CELF2: variants seen among roughly 807,000 people sequenced by gnomAD.
CELF2 encodes the protein CUG triplet repeat RNA-binding protein 2.
In CELF2, 8 loss-of-function variants were observed where a neutral mutation model predicts 62.6. The ratio of observed to expected loss-of-function variants is 0.13; its 90% confidence interval spans 0.07 to 0.23. CELF2 has a LOEUF of 0.23. CELF2 is among the 10% of genes least tolerant of loss of function. The probability of loss-of-function intolerance (pLI) is 1.00; values close to 1 mark genes in which losing one functional copy is unlikely to be tolerated. For synonymous variants in CELF2, 258 were observed against 250.0 expected (o/e 1.03, Z -0.30); for missense variants, 333 against 671.0 (o/e 0.50, Z 5.56).
the CELF2 span, among the ~76,000 whole-genome samples, chr10:10,471,800 T>G: frequency 6.6e-6 from 1 of 151,820 alleles, no homozygotes; most frequent in Non-Finnish European, 1.5e-5. Flanking sequence ...GGTAATAAAT[T>G]TTCTCACTTT....
In CELF2 at chr10:11,110,064, G is replaced by A. The variant is rs1304987697; in HGVS notation, c.75-55422G>A. Among the ~76,000 whole-genome samples, 4 of 152,102 alleles carry A rather than the reference G, an allele frequency of 2.6e-5. No individual in the cohort carries two copies. The highest frequency in any genetic ancestry group is 7.2e-5 in the African/African-American group (3 of 41,392). The stretch of plus-strand genomic sequence containing the variant: ...GCTTGAGCTCGGGAGTTTGAGACCA[G>A]CTTGGGCAACATAGCAAGACCTCAT... On this transcript the variant is annotated intron_variant, in intron 1 of 12. Transcript: ENST00000633077. The surrounding 1 kb of genome is among the most constrained non-coding windows in gnomAD (Gnocchi z 4.0).
the CELF2 span, among the ~76,000 whole-genome samples, chr10:10,778,219 G>A: frequency 6.2e-3 from 948 of 152,290 alleles, 6 homozygotes; most frequent in African/African-American, 0.015. Flanking sequence ...GGGATCTTAC[G>A]CAGATTCAAT....
chr10:10,689,852 A>G, the CELF2 span, among the ~76,000 whole-genome samples: 1 of 152,222 alleles, frequency 6.6e-6, no homozygotes, highest in African/African-American at 2.4e-5. Flanking sequence ...TCTATACATA[A>G]CATGTTCCTA....
At position 10,856,682 on chromosome 10, in the gene CELF2, G is replaced by A. The variant is rs150109866; in HGVS notation, c.53+57865G>A. On this transcript the variant is annotated intron_variant, in intron 1 of 13. Coordinates refer to the CELF2 transcript ENST00000636488. ...CTAAATAATGCCAAGCCTTCTACTC[G>A]TGCACTCATTTACATCCCTTTTCAC... 1.2e-3 allele frequency among the ~76,000 whole-genome samples: 188 copies of A among 152,150 alleles called. 1 individual carries two copies. The highest frequency in any genetic ancestry group is 4.2e-3 in the African/African-American group (176 of 41,506).
chr10:11,205,171 G>A, intron 2 of CELF2, among the ~76,000 whole-genome samples: 1 of 152,196 alleles, frequency 6.6e-6, no homozygotes, highest in East Asian at 1.9e-4. Context: ...AATTACTTCA[G>A]AAAGCAAGAC....
intron 2 of CELF2, among the ~76,000 whole-genome samples, chr10:11,185,500 C>T (rs1051700478): frequency 3.0e-4 from 45 of 152,274 alleles, no homozygotes; most frequent in African/African-American, 9.9e-4. Context: ...CCGCAACCTC[C>T]GCCTCCTGGA....
rs1277097492 is a variant in CELF2, at chr10:11,319,676, C to T, written c.1097-1513C>T. 3 of 426,674 alleles carry T rather than the reference C, an allele frequency of 7.0e-6. No homozygotes were observed. The highest frequency in any genetic ancestry group is 2.5e-5 in the Admixed American group (1 of 40,310). The allele number at this position is 426,674 out of a possible 1,614,324, so 26.4% of individuals were successfully genotyped here. ...GGAGGCTGCCACTCCATTCTCACGCCATTCACACTCGTCTCGCCACCCCTG... is the reference window on the plus strand; with the variant it reads ...GGAGGCTGCCACTCCATTCTCACGCTATTCACACTCGTCTCGCCACCCCTG... On this transcript the variant is annotated intron_variant, in intron 10 of 12. Coordinates refer to ENST00000633077, the MANE Select transcript of CELF2 (RefSeq NM_001326342.2). This position sits in a 1 kb window ranked among gnomAD's most constrained non-coding sequence, Gnocchi z 4.4.
the CELF2 span, among the ~76,000 whole-genome samples, chr10:10,764,227 C>T: frequency 6.6e-6 from 1 of 152,182 alleles, no homozygotes; most frequent in Admixed American, 6.5e-5. Flanking sequence ...CCCAATAATT[C>T]ATATTTGAAA....
At chr10:10,873,361 A>C (rs2060878469) in intron 1 of CELF2, among the ~76,000 whole-genome samples, 1 of 152,214 alleles carries the variant, frequency 6.6e-6, no homozygotes, top group Non-Finnish European at 1.5e-5. Flanking sequence ...AAATAAATAA[A>C]TAAACTTAAT....
chr10:11,266,238 T>C (rs1399954346), intron 5 of CELF2, among the ~76,000 whole-genome samples: 1 of 152,102 alleles, frequency 6.6e-6, no homozygotes, highest in African/African-American at 2.4e-5. Flanking sequence ...GTAAAGATCA[T>C]CAGTCAAGGA....
chr10:11,325,915 T>G lies in CELF2; in HGVS notation c.1374T>G (p.Pro458=), dbSNP rs769260127. ...AGGACATTCTGCAGATGTTCATGCC[T>G]TTTGGAAATGTTATCTCTGCTAAAG... ...GDQDILQMFM[P]FGNVISAKVF... is the part of the protein sequence containing the mutation. The change falls in exon 12 of 13, where the codon CCT becomes CCG. Residue 458 remains proline, a synonymous_variant. Transcript: ENST00000633077. The G allele has an allele frequency of 1.9e-6, 3 of 1,614,154 alleles. No individual in the cohort carries two copies. The highest frequency in any genetic ancestry group is 3.3e-5 in the Admixed American group (2 of 60,014).
chr10:11,265,726 A>G (rs2082026020), intron 5 of CELF2, among the ~76,000 whole-genome samples: 1 of 152,242 alleles, frequency 6.6e-6, no homozygotes, highest in Non-Finnish European at 1.5e-5. Context: ...AGCAGGCACT[A>G]CAGAGTCTAG....
chr10:11,117,588 G>T lies in CELF2; in HGVS notation c.75-47898G>T, dbSNP rs2056834679. Among the ~76,000 whole-genome samples the T allele has an allele frequency of 6.6e-6, 1 of 152,070 alleles. No homozygotes were observed. The highest frequency in any genetic ancestry group is 2.1e-4 in the South Asian group (1 of 4,830). ...TTATGTCTGACTCCATAATATTTAT[G>T]ATAAAAACAAAAACCACGTGTGTGA... On this transcript the variant is annotated intron_variant, in intron 1 of 12. Coordinates refer to ENST00000633077, the MANE Select transcript of CELF2 (RefSeq NM_001326342.2). The surrounding 1 kb of genome is among the most constrained non-coding windows in gnomAD (Gnocchi z 4.1).
At chr10:10,755,760 G>A in the CELF2 span, among the ~76,000 whole-genome samples, 2 of 152,192 alleles carry the variant, frequency 1.3e-5, no homozygotes, top group Non-Finnish European at 2.9e-5. Flanking sequence ...CCACGGGTAG[G>A]ATCAGATTCA....
the CELF2 span, among the ~76,000 whole-genome samples, chr10:10,681,223 C>T: frequency 6.6e-6 from 1 of 152,150 alleles, no homozygotes; most frequent in Non-Finnish European, 1.5e-5. Flanking sequence ...TCATAGTCTG[C>T]TGTGAGTGAC....
At chr10:10,610,337 C>G in the CELF2 span, among the ~76,000 whole-genome samples, 1 of 152,216 alleles carries the variant, frequency 6.6e-6, no homozygotes, top group Non-Finnish European at 1.5e-5. Context: ...TTCACACGCT[C>G]TCTCCCTCAC....
At chr10:11,118,195 A>G (rs1280048116) in intron 1 of CELF2, among the ~76,000 whole-genome samples, 2 of 152,096 alleles carry the variant, frequency 1.3e-5, no homozygotes, top group African/African-American at 4.8e-5. Context: ...TCATTGCCCA[A>G]TTGCATGATA....
chr10:10,915,591 CTGTTTTTGTTTT>C (rs777493262), intron 1 of CELF2, among the ~76,000 whole-genome samples: 2 of 152,060 alleles, frequency 1.3e-5, no homozygotes, highest in East Asian at 3.9e-4. Flanking sequence ...TTTGTTTTTT[CTGTTTTTGTTTT>C]TGTTTTTGTT....
chr10:10,667,885 A>C, the CELF2 span, among the ~76,000 whole-genome samples: 1 of 152,078 alleles, frequency 6.6e-6, no homozygotes, highest in South Asian at 2.1e-4. Context: ...ATGCAAACAA[A>C]CCCCATGATT....
Sources: allele counts gnomAD v4.1 joint callset (sites outside exome capture counted in the v4.1 genomes callset), GRCh38; gene constraint gnomAD v4.1.1; non-coding constraint Gnocchi (gnomAD v3.1); transcripts MANE v1.5; gene names NCBI Gene and HGNC (gene_info 2026-07-23, HGNC 2026-07-21).